The following YY1 variants were observed in gnomAD, a reference collection of about 807,000 sequenced individuals.
YY1 encodes the protein transcriptional repressor protein YY1.
A neutral mutation model predicts 35.6 loss-of-function variants in YY1; 2 were observed. The ratio of observed to expected loss-of-function variants is 0.06; its 90% CI spans 0.02 to 0.18. YY1 has a LOEUF of 0.18. Ranked by LOEUF, YY1 falls within the 10% of genes least tolerant of loss-of-function variation. YY1 has a pLI of 1.00. For missense variants in YY1, 322 were observed against 573.4 expected, an observed-to-expected ratio of 0.56 and a Z score of 4.48; for synonymous variants, 268 against 238.9, an observed-to-expected ratio of 1.12 and a Z score of -1.12.
chr14:100,241,218 T>G (rs1163928331), intron 1 of YY1, among the ~76,000 whole-genome samples: 7 of 152,236 alleles, frequency 4.6e-5, no homozygotes, highest in Non-Finnish European at 1.0e-4. Context: ...CTGTGATGAT[T>G]ACGTTTAGTA....
chr14:100,239,324 AGGTGGAGACCATCCC>A lies in YY1; in HGVS notation c.94_108del (p.Pro32_Ile36del). The A allele has an allele frequency of 1.9e-6, 3 of 1,604,668 alleles. No homozygotes were observed. The highest frequency in any genetic ancestry group is 2.6e-6 in the Non-Finnish European group (3 of 1,176,386). Reference sequence around the variant, plus strand: ...GAGATCGTGGAGCTGCACGAGATCGAGGTGGAGACCATCCCGGTGGAGACCATCGAGACCACAGTG... The same window carrying A: ...GAGATCGTGGAGCTGCACGAGATCGAGGTGGAGACCATCGAGACCACAGTG... On this transcript the variant is annotated inframe_deletion, in exon 1 of 5. Coordinates refer to ENST00000262238, the MANE Select transcript of YY1 (RefSeq NM_003403.5).
intron 1 of YY1, among the ~76,000 whole-genome samples, chr14:100,248,792 A>G (rs545206622): frequency 5.4e-4 from 79 of 145,500 alleles, no homozygotes; most frequent in African/African-American, 1.9e-3. Context: ...GGTTCACACC[A>G]TTCTCCTTCC....
At chr14:100,242,374 T>G (rs1407149775) in intron 1 of YY1, among the ~76,000 whole-genome samples, 2 of 64,046 alleles carry the variant, frequency 3.1e-5, no homozygotes, top group African/African-American at 7.2e-5. Flanking sequence ...TTGTTTTGTT[T>G]TTTGTTTTTT....
chr14:100,240,119 G>T (rs868598302), intron 1 of YY1, among the ~76,000 whole-genome samples, 196 bp downstream of exon 1: 14 of 146,212 alleles, frequency 9.6e-5, no homozygotes, highest in African/African-American at 2.7e-4. Context: ...CAGGCCGCGG[G>T]GGGGAGGGGC....
At chr14:100,248,627 C>A (rs573599603) in intron 1 of YY1, among the ~76,000 whole-genome samples, 1 of 151,684 alleles carries the variant, frequency 6.6e-6, no homozygotes, top group South Asian at 2.1e-4. Context: ...CTTAGCCTCC[C>A]TAGTAGCTGG....
At chr14:100,244,126 T>C (rs749470296) in intron 1 of YY1, among the ~76,000 whole-genome samples, 4 of 151,080 alleles carry the variant, frequency 2.6e-5, no homozygotes, top group Non-Finnish European at 5.9e-5. Context: ...AAAAAAAAAT[T>C]AGTGGGAGTC....
chr14:100,281,059 CCCAAAAAAAA>C lies in YY1; in HGVS notation c.*3460_*3469del, dbSNP rs1419691315. Reference sequence around the variant, plus strand: ...TGGGTGACAGAGCAAGACTCCGTCTCCCAAAAAAAAAAAAAAAAAAAAAAAAAAGGAAACC... The same window carrying C: ...TGGGTGACAGAGCAAGACTCCGTCTCAAAAAAAAAAAAAAAAAAGGAAACC... On this transcript the variant is annotated 3_prime_UTR_variant, in exon 5 of 5. Transcript: ENST00000262238. 2 of 16,152 alleles carry C rather than the reference CCCAAAAAAAA, an allele frequency of 1.2e-4. No individual in the cohort carries two copies. Among genetic ancestry groups the C allele is most frequent in the African/African-American group, 6.4e-4 (2 of 3,146 alleles). 1.0% of individuals were successfully genotyped at this position (16,152 alleles called of 1,614,324 possible).
chr14:100,268,526 T>C (rs1313058312), intron 2 of YY1, among the ~76,000 whole-genome samples: 1 of 152,192 alleles, frequency 6.6e-6, no homozygotes, highest in Non-Finnish European at 1.5e-5. Context: ...TTAGAATGGT[T>C]AGGCCAATCC....
intron 1 of YY1, among the ~76,000 whole-genome samples, chr14:100,257,702 T>C (rs1415319566): frequency 6.6e-6 from 1 of 152,224 alleles, no homozygotes; most frequent in Admixed American, 6.5e-5. Flanking sequence ...CACCTTGATC[T>C]TGGACTTCTA....
At chr14:100,274,353 G>A (rs1891289959) in intron 2 of YY1, among the ~76,000 whole-genome samples, 1 of 152,126 alleles carries the variant, frequency 6.6e-6, no homozygotes, top group Non-Finnish European at 1.5e-5. Context: ...GATTGTCTGA[G>A]TTGATTTTTT....
At chr14:100,262,490 C>T (rs370912628) in intron 2 of YY1, 24 bp downstream of exon 2, 3 of 1,612,902 alleles carry the variant, frequency 1.9e-6, no homozygotes, top group Non-Finnish European at 2.5e-6. Context: ...ACTTTCCTTT[C>T]TTTTAATTAT....
At chr14:100,257,893 CT>C (rs1245079804) in intron 1 of YY1, among the ~76,000 whole-genome samples, 1 of 152,162 alleles carries the variant, frequency 6.6e-6, no homozygotes, top group Non-Finnish European at 1.5e-5. Context: ...AATCCCAGCA[CT>C]TTGGTAGGCC....
At chr14:100,246,419 C>T (rs1024053189) in intron 1 of YY1, among the ~76,000 whole-genome samples, 2 of 152,186 alleles carry the variant, frequency 1.3e-5, no homozygotes, top group Non-Finnish European at 2.9e-5. Flanking sequence ...CTGGTGTGCC[C>T]AGGTTGGCCT....
chr14:100,274,636 T>A, intron 2 of YY1, 62 bp from the exon 3 acceptor site: 1 of 1,429,982 alleles, frequency 7.0e-7, no homozygotes, highest in Non-Finnish European at 9.9e-7. Flanking sequence ...ACTATATGAT[T>A]TATGCCAGTT....
intron 1 of YY1, among the ~76,000 whole-genome samples, chr14:100,244,627 G>C (rs960171297): frequency 7.0e-6 from 1 of 142,758 alleles, no homozygotes; most frequent in Non-Finnish European, 1.5e-5. Context: ...CTGTCACCCA[G>C]GCTAGAGTGC....
intron 1 of YY1, among the ~76,000 whole-genome samples, chr14:100,248,121 C>CTTTTTCTTTTT (rs1555369346): frequency 8.5e-6 from 1 of 117,660 alleles, no homozygotes; most frequent in Non-Finnish European, 1.7e-5. Context: ...ATTTTTTTTT[C>CTTTTTCTTTTT]TTTTTTTTTT....
chr14:100,251,346 G>A (rs1890921520), intron 1 of YY1, among the ~76,000 whole-genome samples: 1 of 152,236 alleles, frequency 6.6e-6, no homozygotes, highest in Non-Finnish European at 1.5e-5. Context: ...TCAGAAGCTA[G>A]AATATGTGAG....
Position 100,239,560 on chromosome 14 carries a change from G to A in YY1, c.316G>A (p.Val106Met). ...GCACCACCACCAGGAGGTGATCCTG[G>A]TGCAGACGCGCGAGGAGGTGGTGGG... ...QVHHHQEVIL[V>M]QTREEVVGGD... Residue 106 changes from valine (V) to methionine (M), a missense_variant, in exon 1 of 5, where the codon GTG becomes ATG. Val to Met is a conservative substitution (Grantham distance 21, BLOSUM62 1). Coordinates refer to ENST00000262238, the MANE Select transcript of YY1 (RefSeq NM_003403.5). 2 of 1,612,718 alleles carry A rather than the reference G, an allele frequency of 1.2e-6. No individual in the cohort carries two copies. Among genetic ancestry groups the A allele is most frequent in the Non-Finnish European group, 1.7e-6 (2 of 1,179,702 alleles).
At chr14:100,255,961 T>C (rs1296471699) in intron 1 of YY1, among the ~76,000 whole-genome samples, 1 of 152,150 alleles carries the variant, frequency 6.6e-6, no homozygotes, top group East Asian at 1.9e-4. Context: ...AATCTTACAA[T>C]GTCTTTCTGG....
Sources: allele counts gnomAD v4.1 joint callset (sites outside exome capture counted in the v4.1 genomes callset), GRCh38; gene constraint gnomAD v4.1.1; transcripts MANE v1.5; gene names NCBI Gene and HGNC (gene_info 2026-07-23, HGNC 2026-07-21).